DSCAML1: variants seen among roughly 807,000 people sequenced by gnomAD.
DSCAML1 encodes the protein cell adhesion molecule DSCAML1.
Under a neutral mutation model 200.5 loss-of-function variants are expected in DSCAML1, and 38 were observed. The observed-to-expected ratio is 0.19, with a 90% CI of 0.15 to 0.25. The LOEUF is 0.25. Ranked by LOEUF, DSCAML1 falls within the 10% of genes least tolerant of loss-of-function variation. The pLI is 1.00. For missense variants in DSCAML1, 2,223 were observed against 2,858.8 expected (o/e 0.78, Z 5.07); for synonymous variants, 1,215 against 1,165.0 (o/e 1.04, Z -0.87).
At chr11:117,734,884 G>A (rs1438357333) in intron 3 of DSCAML1, among the ~76,000 whole-genome samples, 2 of 152,178 alleles carry the variant, frequency 1.3e-5, no homozygotes, top group East Asian at 3.9e-4. Context: ...CAAAAGAGTG[G>A]GCCCAGGGAA....
intron 3 of DSCAML1, among the ~76,000 whole-genome samples, chr11:117,608,346 T>G (rs2051616057): frequency 6.6e-6 from 1 of 152,168 alleles, no homozygotes; most frequent in African/African-American, 2.4e-5. Context: ...TTATTAAAAA[T>G]GGAAACATAT....
At chr11:117,569,872 G>T (rs2050817726) in intron 3 of DSCAML1, among the ~76,000 whole-genome samples, 1 of 152,208 alleles carries the variant, frequency 6.6e-6, no homozygotes, top group Non-Finnish European at 1.5e-5. Context: ...CCAGTGGAGG[G>T]CTCTGGGCCC....
intron 16 of DSCAML1, among the ~76,000 whole-genome samples, chr11:117,467,198 CCCCCT>C (rs2048599563): frequency 7.5e-6 from 1 of 132,660 alleles, no homozygotes; most frequent in Non-Finnish European, 1.6e-5. Context: ...CACACACCTC[CCCCCT>C]CCCCCCGCCG....
chr11:117,454,363 G>T (rs149913059), intron 19 of DSCAML1, among the ~76,000 whole-genome samples: 1 of 152,238 alleles, frequency 6.6e-6, no homozygotes, highest in African/African-American at 2.4e-5. Context: ...TTGTCTTTCT[G>T]TGCTACATCT....
At chr11:117,795,981 G>A (rs551697688) in intron 1 of DSCAML1, among the ~76,000 whole-genome samples, 45 of 152,332 alleles carry the variant, frequency 3.0e-4, no homozygotes, top group Admixed American at 9.1e-4. Context: ...GCTTGTTGGA[G>A]CGTGTGTGCT....
At chr11:117,544,053 C>T (rs550023346) in intron 3 of DSCAML1, among the ~76,000 whole-genome samples, 2 of 152,040 alleles carry the variant, frequency 1.3e-5, no homozygotes, top group South Asian at 2.1e-4. Context: ...GAGGAGGAAG[C>T]GAATAGGGTG....
At chr11:117,720,169 C>T (rs571564816) in intron 3 of DSCAML1, among the ~76,000 whole-genome samples, 6 of 152,284 alleles carry the variant, frequency 3.9e-5, no homozygotes, top group East Asian at 1.9e-4. Context: ...CAGCGCCCCC[C>T]GCCCGCACAG....
intron 3 of DSCAML1, among the ~76,000 whole-genome samples, chr11:117,648,765 G>T (rs1325231764): frequency 6.6e-6 from 1 of 152,130 alleles, no homozygotes; most frequent in Admixed American, 6.5e-5. Context: ...CTAACCCCAG[G>T]CTTTAGCAAT....
At chr11:117,626,878 C>A (rs1341060706) in intron 3 of DSCAML1, among the ~76,000 whole-genome samples, 1 of 152,086 alleles carries the variant, frequency 6.6e-6, no homozygotes, top group African/African-American at 2.4e-5. Context: ...CTATGCTCCA[C>A]GGTGCCTGCC....
chr11:117,754,994 C>T (rs2054662753), intron 3 of DSCAML1, among the ~76,000 whole-genome samples: 1 of 152,136 alleles, frequency 6.6e-6, no homozygotes, highest in Non-Finnish European at 1.5e-5. Context: ...CACAGACAAC[C>T]TTCTCCTGTT....
intron 1 of DSCAML1, among the ~76,000 whole-genome samples, chr11:117,787,416 G>A (rs903052895): frequency 6.6e-6 from 1 of 150,570 alleles, no homozygotes; most frequent in Admixed American, 6.6e-5. Flanking sequence ...GCTCACCTCT[G>A]ATGATAATAA....
chr11:117,669,337 AAG>A (rs2053052671), intron 3 of DSCAML1, among the ~76,000 whole-genome samples: 4 of 152,178 alleles, frequency 2.6e-5, no homozygotes, highest in Non-Finnish European at 5.9e-5. Context: ...GGCTCTGAGA[AAG>A]CTCTGCCTCA....
intron 3 of DSCAML1, among the ~76,000 whole-genome samples, chr11:117,643,441 A>AC (rs1333156672): frequency 6.6e-6 from 1 of 151,890 alleles, no homozygotes; most frequent in Admixed American, 6.6e-5. Flanking sequence ...GGAAAACACA[A>AC]CCCCTCCCTG....
intron 27 of DSCAML1, among the ~76,000 whole-genome samples, chr11:117,434,731 A>G (rs959477142): frequency 2.0e-5 from 3 of 152,026 alleles, no homozygotes; most frequent in Non-Finnish European, 4.4e-5. Context: ...TCAGTGATCC[A>G]TTCAACCATC....
At chr11:117,728,547 G>A (rs2054170554) in intron 3 of DSCAML1, among the ~76,000 whole-genome samples, 1 of 151,914 alleles carries the variant, frequency 6.6e-6, no homozygotes, top group South Asian at 2.1e-4. Context: ...AAACCCTTAG[G>A]AATTCATTAA....
chr11:117,706,414 G>T (rs1846172034), intron 3 of DSCAML1, among the ~76,000 whole-genome samples: 1 of 152,138 alleles, frequency 6.6e-6, no homozygotes, highest in Non-Finnish European at 1.5e-5. Context: ...CTCGGTGCCG[G>T]TCTATTCCCA....
chr11:117,729,114 A>T (rs1489800687), intron 3 of DSCAML1, among the ~76,000 whole-genome samples: 1 of 152,242 alleles, frequency 6.6e-6, no homozygotes, highest in Non-Finnish European at 1.5e-5. Context: ...ATAAACCCTC[A>T]CAAATAGGGT....
At chr11:117,707,085 G>A (rs1422031299) in intron 3 of DSCAML1, among the ~76,000 whole-genome samples, 1 of 152,202 alleles carries the variant, frequency 6.6e-6, no homozygotes, top group African/African-American at 2.4e-5. Context: ...CGATGGCAAA[G>A]GAGTGGGTTT....
At chr11:117,744,165 C>G (rs1487377428) in intron 3 of DSCAML1, among the ~76,000 whole-genome samples, 1 of 152,242 alleles carries the variant, frequency 6.6e-6, no homozygotes, top group Non-Finnish European at 1.5e-5. Flanking sequence ...CACAACAACC[C>G]TGCAAGGTAA....
Sources: allele counts gnomAD v4.1 joint callset (sites outside exome capture counted in the v4.1 genomes callset), GRCh38; gene constraint gnomAD v4.1.1; transcripts MANE v1.5; gene names NCBI Gene and HGNC (gene_info 2026-07-23, HGNC 2026-07-21).